The following TRMT61B variants were observed in gnomAD, a reference collection of about 807,000 sequenced individuals.
The protein encoded by TRMT61B is tRNA methyltransferase 61B.
A neutral mutation model predicts 52.0 loss-of-function variants in TRMT61B; 56 were observed. That is an observed-to-expected ratio of 1.08 (90% confidence interval 0.87 to 1.35). The LOEUF is 1.35. TRMT61B is among the 40% of genes most tolerant of loss of function. The pLI, the probability that TRMT61B is intolerant of heterozygous loss-of-function variation, is 0.00. For missense variants in TRMT61B, 650 were observed against 577.9 expected (o/e 1.12, Z -1.28); for synonymous variants, 206 against 220.0 (o/e 0.94, Z 0.56).
At chr2:28,858,955 G>T (rs1469192446) in intron 3 of TRMT61B, among the ~76,000 whole-genome samples, 2 of 150,824 alleles carry the variant, frequency 1.3e-5, no homozygotes, top group African/African-American at 4.9e-5. Flanking sequence ...GTGCAGTGGC[G>T]CAAATCTTGG....
intron 3 of TRMT61B, among the ~76,000 whole-genome samples, chr2:28,855,366 C>G (rs1572535643): frequency 6.6e-6 from 1 of 152,132 alleles, no homozygotes; most frequent in East Asian, 1.9e-4. Context: ...ATTAAGTATA[C>G]TCTGACTCAC....
chr2:28,859,630 A>C (rs534299456), intron 3 of TRMT61B, among the ~76,000 whole-genome samples: 17 of 151,832 alleles, frequency 1.1e-4, no homozygotes, highest in Middle Eastern at 3.4e-3. Flanking sequence ...CATATTGAGT[A>C]ATCATCTGGC....
Position 28,861,103 on chromosome 2 carries a change from C to G in TRMT61B, c.993+15G>C, listed in dbSNP as rs373564488. On this transcript the variant is annotated intron_variant, in intron 3 of 6. Transcript: ENST00000306108. ...AGTCAAAGTAATAACACAGGACCCA[C>G]GTTAGAAAACTTACTGCGTCAAATG... is the stretch of plus-strand genomic sequence containing the variant. 4.7e-5 allele frequency: 74 copies of G among 1,581,454 alleles called. No homozygotes were observed. The highest frequency in any genetic ancestry group is 5.7e-5 in the Non-Finnish European group (66 of 1,166,112).
chr2:28,868,907 G>A (rs1669962113), intron 1 of TRMT61B, among the ~76,000 whole-genome samples: 1 of 152,118 alleles, frequency 6.6e-6, no homozygotes, highest in Non-Finnish European at 1.5e-5. Flanking sequence ...AGGAGGCTGT[G>A]GTGGGAGAAT....
intron 1 of TRMT61B, among the ~76,000 whole-genome samples, chr2:28,867,134 T>TG (rs1270552519): frequency 6.6e-6 from 1 of 151,416 alleles, no homozygotes. Context: ...CTTACACTGT[T>TG]GCCCAGGCTG....
At chr2:28,852,564 A>G in intron 3 of TRMT61B, 65 bp from the exon 4 acceptor site, 1 of 1,089,270 alleles carries the variant, frequency 9.2e-7, no homozygotes, top group Non-Finnish European at 1.4e-6. Flanking sequence ...AAGTTTTCTT[A>G]TTGTGGTGAA....
At chr2:28,864,145 G>C (rs1669729521) in intron 2 of TRMT61B, among the ~76,000 whole-genome samples, 1 of 151,828 alleles carries the variant, frequency 6.6e-6, no homozygotes, top group South Asian at 2.1e-4. Context: ...TCATGATCTA[G>C]CTTTTTACTT....
chr2:28,850,570 T>G, intron 5 of TRMT61B, 165 bp from the exon 6 acceptor site: 1 of 565,076 alleles, frequency 1.8e-6, no homozygotes, highest in Non-Finnish European at 3.1e-6. Flanking sequence ...AGAAACTATT[T>G]GTCAATGATT....
At position 28,859,237 on chromosome 2, in the gene TRMT61B, G is replaced by A. The variant is rs903045448; in HGVS notation, c.993+1881C>T. ...TGGGACCACAGGCACCCGCCACCAC[G>A]CCCGGCTAATTTTTTATATTTTTAG... On this transcript the variant is annotated intron_variant, in intron 3 of 6. Coordinates refer to ENST00000306108, the MANE Select transcript of TRMT61B (RefSeq NM_017910.4). 5.3e-5 allele frequency among the ~76,000 whole-genome samples: 8 copies of A among 151,976 alleles called. No individual in the cohort carries two copies. In the South Asian group the frequency reaches 8.3e-4, roughly 16 times the overall value.
chr2:28,850,168 T>C lies in TRMT61B; in HGVS notation c.*31A>G. 1 of 1,589,432 alleles carries C rather than the reference T, an allele frequency of 6.3e-7. No individual in the cohort carries two copies. The highest frequency in any genetic ancestry group is 8.6e-7 in the Non-Finnish European group (1 of 1,166,148). ...AAAGTTCTATTTTGATATTTTTCCA[T>C]CTTCAAGTCAGTTACTGTCATCTGG... On this transcript the variant is annotated 3_prime_UTR_variant, in exon 7 of 7. Transcript: ENST00000306108.
At position 28,861,195 on chromosome 2, in the gene TRMT61B, A is replaced by C; in HGVS notation, c.916T>G (p.Trp306Gly). 6.2e-7 allele frequency: 1 copy of C among 1,613,192 alleles called. No individual in the cohort carries two copies. Among genetic ancestry groups the C allele is most frequent in the Non-Finnish European group, 8.5e-7 (1 of 1,179,796 alleles). ...TGAATAAAATCCACATTGTCTGGCC[A>C]CTCTTCTACATGACTTAATTTCCAT... ...DSWKLSHVEEWPDNVDFIHKD... is the reference protein window; with the variant it reads ...DSWKLSHVEEGPDNVDFIHKD... Residue 306 changes from tryptophan (W) to glycine (G), a missense_variant, in exon 3 of 7, where the codon TGG becomes GGG. Trp to Gly is a radical substitution (Grantham distance 184). Transcript: ENST00000306108.
chr2:28,863,162 G>T (rs749083421), intron 2 of TRMT61B, among the ~76,000 whole-genome samples: 1 of 151,828 alleles, frequency 6.6e-6, no homozygotes, highest in African/African-American at 2.4e-5. Context: ...TAAGCTGGGC[G>T]TGGTGCCCCA....
chr2:28,856,704 A>G lies in TRMT61B; in HGVS notation c.994-4205T>C, dbSNP rs115602548. On this transcript the variant is annotated intron_variant, in intron 3 of 6. Transcript: ENST00000306108. ...GGTTGGAGTACAATGGTGCGATCGT[A>G]GCTCACTGCAACCTCCGCCTCCCGG... Among the ~76,000 whole-genome samples the G allele has an allele frequency of 5.8e-3, 874 of 151,788 alleles. 7 individuals are homozygous for G. The highest frequency in any genetic ancestry group is 0.02 in the African/African-American group (830 of 41,376).
chr2:28,862,095 A>G (rs1669625753), intron 2 of TRMT61B: 1 of 150,654 alleles, frequency 6.6e-6, no homozygotes, highest in Non-Finnish European at 1.5e-5. Flanking sequence ...AGTCCCAGCT[A>G]CTCGGGAGAC....
intron 2 of TRMT61B, 129 bp from the exon 3 acceptor site, chr2:28,861,437 G>A (rs1669595251): frequency 1.6e-5 from 12 of 730,264 alleles, no homozygotes; most frequent in Non-Finnish European, 2.5e-5. Flanking sequence ...TTACAAGTCT[G>A]ATCTCCTATC....
chr2:28,861,933 G>C (rs550303774), intron 2 of TRMT61B: 4 of 152,306 alleles, frequency 2.6e-5, no homozygotes, highest in East Asian at 3.9e-4. Context: ...GCCGGTCGCA[G>C]TGGCTCCCGC....
At chr2:28,856,063 T>C (rs940686235) in intron 3 of TRMT61B, among the ~76,000 whole-genome samples, 1 of 152,170 alleles carries the variant, frequency 6.6e-6, no homozygotes, top group Non-Finnish European at 1.5e-5. Flanking sequence ...CAGACTGTAG[T>C]TTTACTATAT....
intron 5 of TRMT61B, 83 bp downstream of exon 5, chr2:28,850,989 T>A: frequency 1.2e-6 from 1 of 858,732 alleles, no homozygotes; most frequent in South Asian, 2.1e-5. Flanking sequence ...TGCTGAGGAA[T>A]ATTTTTATAA....
intron 4 of TRMT61B, 149 bp downstream of exon 4, chr2:28,852,259 G>A (rs1669141781): frequency 2.1e-6 from 1 of 467,368 alleles, no homozygotes; most frequent in African/African-American, 2.3e-5. Flanking sequence ...GTTGCAGTGA[G>A]CTGAGATCAT....
Sources: allele counts gnomAD v4.1 joint callset (sites outside exome capture counted in the v4.1 genomes callset), GRCh38; gene constraint gnomAD v4.1.1; transcripts MANE v1.5; gene names NCBI Gene and HGNC (gene_info 2026-07-23, HGNC 2026-07-21).